The following B3GALT1 variants were observed in gnomAD, a reference collection of about 807,000 sequenced individuals.
The protein encoded by B3GALT1 is beta-1,3-galactosyltransferase 1, also known as UDP-Gal:betaGlcNAc beta 1,3-galactosyltransferase, polypeptide 1.
B3GALT1 carries 10 observed loss-of-function variants against 23.2 expected under a neutral mutation model. That is an observed-to-expected ratio of 0.43 (90% CI 0.27 to 0.73). The LOEUF is 0.73. Ranked by LOEUF, B3GALT1 falls within the 30% of genes least tolerant of loss-of-function variation. The pLI, the probability that B3GALT1 is intolerant of heterozygous loss-of-function variation, is 0.21. For missense variants in B3GALT1, 299 were observed against 405.4 expected (o/e 0.74, Z 2.25); for synonymous variants, 156 against 141.5 (o/e 1.10, Z -0.73).
intron 1 of B3GALT1, among the ~76,000 whole-genome samples, chr2:167,461,657 A>T (rs972462824): frequency 6.6e-6 from 1 of 152,214 alleles, no homozygotes. Context: ...CATTATGTTT[A>T]GTCAAATGAA....
chr2:167,770,633 A>C (rs1020563070), intron 3 of B3GALT1, among the ~76,000 whole-genome samples: 1 of 152,120 alleles, frequency 6.6e-6, no homozygotes, highest in Non-Finnish European at 1.5e-5. Context: ...ATAAAGTCTA[A>C]TTTACCAATT....
At chr2:167,520,981 C>CTT (rs796373922) in intron 2 of B3GALT1, among the ~76,000 whole-genome samples, 3 of 146,970 alleles carry the variant, frequency 2.0e-5, no homozygotes, top group Admixed American at 1.4e-4. Context: ...ACAAGATTAA[C>CTT]TTTTTTTTTT....
At chr2:167,400,815 T>C (rs1698176437) in intron 1 of B3GALT1, among the ~76,000 whole-genome samples, 1 of 152,104 alleles carries the variant, frequency 6.6e-6, no homozygotes, top group Non-Finnish European at 1.5e-5. Flanking sequence ...CTAGAAAATC[T>C]GGCTTTGTGT....
intron 2 of B3GALT1, among the ~76,000 whole-genome samples, chr2:167,491,653 A>C (rs529844601): frequency 6.6e-6 from 1 of 151,894 alleles, no homozygotes; most frequent in South Asian, 2.1e-4. Flanking sequence ...TCTTTACTAA[A>C]AATACAAAAA....
chr2:167,775,317 T>C (rs761738272), intron 3 of B3GALT1, among the ~76,000 whole-genome samples: 1 of 152,142 alleles, frequency 6.6e-6, no homozygotes, highest in African/African-American at 2.4e-5. Context: ...ACGCCTGTAA[T>C]CCCAGCACTT....
chr2:167,487,739 T>G (rs1238240014), intron 1 of B3GALT1, among the ~76,000 whole-genome samples: 1 of 152,204 alleles, frequency 6.6e-6, no homozygotes, highest in Non-Finnish European at 1.5e-5. Context: ...TTGGTAGTAG[T>G]GAGGGGGATA....
intron 1 of B3GALT1, among the ~76,000 whole-genome samples, chr2:167,432,371 A>G (rs1030398308): frequency 3.3e-5 from 5 of 152,192 alleles, no homozygotes; most frequent in Admixed American, 1.3e-4. Context: ...AAACAAGACA[A>G]TTGGTTCACC....
At chr2:167,791,783 G>T (rs1688441433) in intron 3 of B3GALT1, among the ~76,000 whole-genome samples, 1 of 151,830 alleles carries the variant, frequency 6.6e-6, no homozygotes, top group East Asian at 1.9e-4. Context: ...TGTAAACGAG[G>T]ATGAAAATTA....
At chr2:167,376,147 C>A (rs530082818) in intron 1 of B3GALT1, among the ~76,000 whole-genome samples, 113 of 152,230 alleles carry the variant, frequency 7.4e-4, no homozygotes, top group African/African-American at 2.6e-3. Flanking sequence ...ATATGTCGAA[C>A]CATTCTTGCA....
chr2:167,736,983 C>G (rs1229681418), intron 3 of B3GALT1, among the ~76,000 whole-genome samples: 3 of 138,924 alleles, frequency 2.2e-5, no homozygotes, highest in African/African-American at 5.3e-5. Context: ...TCTGATAAAT[C>G]CCTCTTACAG....
At chr2:167,530,284 T>G (rs553014072) in intron 2 of B3GALT1, among the ~76,000 whole-genome samples, 1 of 152,322 alleles carries the variant, frequency 6.6e-6, no homozygotes, top group African/African-American at 2.4e-5. Context: ...AAATCTATTT[T>G]TGTTATTACA....
intron 1 of B3GALT1, among the ~76,000 whole-genome samples, chr2:167,316,337 T>C (rs1696717938): frequency 6.6e-6 from 1 of 152,152 alleles, no homozygotes; most frequent in South Asian, 2.1e-4. Flanking sequence ...ACAATGTTGC[T>C]TGGCCTGTAG....
At chr2:167,658,729 C>T (rs1387641482) in intron 3 of B3GALT1, among the ~76,000 whole-genome samples, 1 of 152,044 alleles carries the variant, frequency 6.6e-6, no homozygotes. Context: ...CTCATATCTA[C>T]TTATTTCTAT....
At chr2:167,667,839 A>T (rs1052753589) in intron 3 of B3GALT1, among the ~76,000 whole-genome samples, 2 of 152,194 alleles carry the variant, frequency 1.3e-5, no homozygotes, top group Admixed American at 6.5e-5. Flanking sequence ...TATTCAAGTT[A>T]TAGATTCTTC....
intron 3 of B3GALT1, among the ~76,000 whole-genome samples, chr2:167,671,755 C>G (rs1163467300): frequency 2.0e-5 from 3 of 150,666 alleles, no homozygotes; most frequent in Non-Finnish European, 4.4e-5. Context: ...AGACTTAGCA[C>G]AAAGTAATTA....
intron 2 of B3GALT1, among the ~76,000 whole-genome samples, chr2:167,515,170 ATGT>A (rs1700081670): frequency 6.6e-6 from 1 of 152,130 alleles, no homozygotes; most frequent in Non-Finnish European, 1.5e-5. Context: ...AACAAAAATA[ATGT>A]TTTCAGCTGG....
intron 3 of B3GALT1, among the ~76,000 whole-genome samples, chr2:167,795,401 G>A (rs1276244188): frequency 6.6e-6 from 1 of 152,078 alleles, no homozygotes; most frequent in Middle Eastern, 3.2e-3. Flanking sequence ...TTTGCCTGTG[G>A]GTTGCTTCCT....
chr2:167,597,116 T>G (rs991377060), intron 2 of B3GALT1, among the ~76,000 whole-genome samples: 1 of 141,180 alleles, frequency 7.1e-6, no homozygotes, highest in African/African-American at 2.9e-5. Flanking sequence ...TTTTTGTTTT[T>G]GTTTTTTTTT....
Position 167,616,571 on chromosome 2 carries a change from G to A in B3GALT1, c.-409-30338G>A, listed in dbSNP as rs138091554. On this transcript the variant is annotated intron_variant, in intron 2 of 4. Transcript: ENST00000392690. ...ACAAAAATTAGCTGGGTGTGGTGGT[G>A]CATGTCTGTAATCCCATCCACTCAG... 5.0e-3 allele frequency among the ~76,000 whole-genome samples: 759 copies of A among 151,982 alleles called. 5 individuals carry two copies. Among genetic ancestry groups the A allele is most frequent in the African/African-American group, 0.017 (705 of 41,464 alleles).
Sources: allele counts gnomAD v4.1 joint callset (sites outside exome capture counted in the v4.1 genomes callset), GRCh38; gene constraint gnomAD v4.1.1; transcripts MANE v1.5; gene names NCBI Gene and HGNC (gene_info 2026-07-23, HGNC 2026-07-21).